The following FBXO36 variants were observed in gnomAD, a reference collection of about 807,000 sequenced individuals.
FBXO36 encodes the protein F-box protein 36.
In FBXO36, 18 loss-of-function variants were observed where a neutral mutation model predicts 17.0. That is an observed-to-expected ratio of 1.06 (90% confidence interval 0.73 to 1.57). FBXO36 has a LOEUF of 1.57. FBXO36 is among the 40% of genes most tolerant of loss of function. The probability of loss-of-function intolerance (pLI) is 0.00; values close to 1 mark genes in which losing one functional copy is unlikely to be tolerated. For missense variants in FBXO36, 229 were observed against 221.9 expected (o/e 1.03, Z -0.20); for synonymous variants, 83 against 85.3 (o/e 0.97, Z 0.15).
At chr2:229,947,134 C>T (rs2077031341) in intron 1 of FBXO36, among the ~76,000 whole-genome samples, 1 of 152,142 alleles carries the variant, frequency 6.6e-6, no homozygotes, top group Admixed American at 6.5e-5. Context: ...CACCATTGCA[C>T]TCCAGCCTGG....
intron 1 of FBXO36, among the ~76,000 whole-genome samples, chr2:229,939,425 G>A (rs1391899442): frequency 6.6e-6 from 1 of 151,358 alleles, no homozygotes; most frequent in East Asian, 1.9e-4. Context: ...CCAGCACGGT[G>A]AAACCCCATT....
Position 230,013,049 on chromosome 2 carries a change from T to C in FBXO36, c.*2165T>C, listed in dbSNP as rs2077423865. On this transcript the variant is annotated 3_prime_UTR_variant, in exon 4 of 4. Transcript: ENST00000283946. ...GTAAATAAAAAAAGAGCCATTAATATGTTAACTATTGTTAAATAATAGCTA... is the reference window on the plus strand; with the variant it reads ...GTAAATAAAAAAAGAGCCATTAATACGTTAACTATTGTTAAATAATAGCTA... The C allele has an allele frequency of 1.3e-5, 2 of 151,768 alleles. No individual in the cohort carries two copies. Among genetic ancestry groups the C allele is most frequent in the African/African-American group, 2.4e-5 (1 of 41,554 alleles). The allele number at this position is 151,768 out of a possible 1,614,324, so 9.4% of individuals were successfully genotyped here.
At position 230,011,584 on chromosome 2, in the gene FBXO36, AT is replaced by A. The variant is rs2077415813; in HGVS notation, c.*703del. The A allele has an allele frequency of 7.8e-6, 1 of 128,234 alleles. No individual in the cohort carries two copies. The allele number at this position is 128,234 out of a possible 1,614,324, so 7.9% of individuals were successfully genotyped here. On this transcript the variant is annotated 3_prime_UTR_variant, in exon 4 of 4. Coordinates refer to ENST00000283946, the MANE Select transcript of FBXO36 (RefSeq NM_174899.5). ...CACATTGTTAAATAAACCTATAAACATTTCTTTTCTTTTCTTTTTTTTTTTT... is the reference window on the plus strand; with the variant it reads ...CACATTGTTAAATAAACCTATAAACATTCTTTTCTTTTCTTTTTTTTTTTT...
At chr2:229,974,625 G>T (rs2077198194) in intron 1 of FBXO36, among the ~76,000 whole-genome samples, 1 of 152,144 alleles carries the variant, frequency 6.6e-6, no homozygotes, top group Non-Finnish European at 1.5e-5. Flanking sequence ...CTGGAGCGGT[G>T]CCCTGGGCTC....
At chr2:229,988,844 GTT>G (rs1288831197) in intron 2 of FBXO36, among the ~76,000 whole-genome samples, 10 of 114,752 alleles carry the variant, frequency 8.7e-5, no homozygotes, top group Non-Finnish European at 8.9e-5. Context: ...TTTTTTTTTT[GTT>G]TTTTTTTTTT....
chr2:229,962,189 A>AG (rs1354211495), intron 1 of FBXO36, among the ~76,000 whole-genome samples: 1 of 151,878 alleles, frequency 6.6e-6, no homozygotes, highest in Admixed American at 6.6e-5. Flanking sequence ...AAAAAAAAAA[A>AG]TTAGGTTTTA....
In FBXO36 at chr2:229,984,586, T is replaced by C. The variant is rs565170611; in HGVS notation, c.205+8237T>C. Among the ~76,000 whole-genome samples the C allele has an allele frequency of 2.0e-3, 297 of 151,762 alleles. 1 individual carries two copies. Among genetic ancestry groups the C allele is most frequent in the African/African-American group, 6.9e-3 (285 of 41,426 alleles). On this transcript the variant is annotated intron_variant, in intron 2 of 3. Transcript: ENST00000283946. ...TATATTTTTAGTAGAGACGGGGTTT[T>C]ACCATGTTAGCCATGATGGTCTCGA...
At chr2:229,959,136 G>A (rs1474582904) in intron 1 of FBXO36, among the ~76,000 whole-genome samples, 3 of 151,760 alleles carry the variant, frequency 2.0e-5, no homozygotes, top group African/African-American at 4.8e-5. Context: ...TTTCTGAATC[G>A]TAAGTACCCA....
intron 3 of FBXO36, among the ~76,000 whole-genome samples, chr2:230,003,268 G>A (rs945123900): frequency 1.4e-5 from 2 of 146,890 alleles, no homozygotes; most frequent in East Asian, 4.0e-4. Context: ...AATAATACAT[G>A]ATCACTTTAA....
At chr2:229,928,482 A>G (rs1052584156) in intron 1 of FBXO36, among the ~76,000 whole-genome samples, 2 of 152,200 alleles carry the variant, frequency 1.3e-5, no homozygotes, top group African/African-American at 4.8e-5. Flanking sequence ...GAGAAAAGCA[A>G]TAAAGATTTA....
chr2:230,002,566 T>G (rs747427236), intron 3 of FBXO36, among the ~76,000 whole-genome samples: 14 of 152,136 alleles, frequency 9.2e-5, no homozygotes, highest in Non-Finnish European at 1.3e-4. Context: ...GTATTTTTTG[T>G]AGAGACAGGG....
At chr2:229,931,118 C>A (rs757013996) in intron 1 of FBXO36, among the ~76,000 whole-genome samples, 49 of 152,096 alleles carry the variant, frequency 3.2e-4, no homozygotes, top group Admixed American at 1.3e-4. Flanking sequence ...TGGCATATGG[C>A]ACTTTTCTGA....
At chr2:229,943,747 G>A (rs2077012208) in intron 1 of FBXO36, among the ~76,000 whole-genome samples, 1 of 152,168 alleles carries the variant, frequency 6.6e-6, no homozygotes, top group Admixed American at 6.5e-5. Context: ...ACTCCCTGAA[G>A]TGATTAGATA....
chr2:229,950,496 G>A (rs1217627112), intron 1 of FBXO36, among the ~76,000 whole-genome samples: 1 of 152,122 alleles, frequency 6.6e-6, no homozygotes, highest in East Asian at 1.9e-4. Flanking sequence ...TAGTGAGGGA[G>A]GAATGTGAGG....
At chr2:229,940,296 G>A (rs901437669) in intron 1 of FBXO36, among the ~76,000 whole-genome samples, 1 of 152,038 alleles carries the variant, frequency 6.6e-6, no homozygotes, top group Non-Finnish European at 1.5e-5. Context: ...AGGGTGGTTG[G>A]TAACACCAAG....
intron 1 of FBXO36, among the ~76,000 whole-genome samples, chr2:229,953,806 C>T (rs1577338285): frequency 6.6e-6 from 1 of 151,922 alleles, no homozygotes; most frequent in South Asian, 2.1e-4. Context: ...CTTAGTATAA[C>T]AGTAAAAATT....
intron 2 of FBXO36, among the ~76,000 whole-genome samples, chr2:229,990,975 C>T (rs1046817095): frequency 6.6e-6 from 1 of 151,518 alleles, no homozygotes; most frequent in African/African-American, 2.4e-5. Context: ...GGGAGTCTCA[C>T]TCTGTCACCC....
At chr2:229,931,561 A>C (rs890384675) in intron 1 of FBXO36, among the ~76,000 whole-genome samples, 6 of 152,144 alleles carry the variant, frequency 3.9e-5, no homozygotes, top group Admixed American at 1.3e-4. Context: ...ATGTTTCACG[A>C]CCGGCATGTT....
chr2:229,937,510 A>T (rs2076970407), intron 1 of FBXO36, among the ~76,000 whole-genome samples: 1 of 152,216 alleles, frequency 6.6e-6, no homozygotes, highest in East Asian at 1.9e-4. Context: ...AAATAATAAT[A>T]ATTTAAAAAA....
Sources: allele counts gnomAD v4.1 joint callset (sites outside exome capture counted in the v4.1 genomes callset), GRCh38; gene constraint gnomAD v4.1.1; transcripts MANE v1.5; gene names NCBI Gene and HGNC (gene_info 2026-07-23, HGNC 2026-07-21).